PPP2R2A: variants seen among roughly 807,000 people sequenced by gnomAD.
The protein encoded by PPP2R2A is serine/threonine-protein phosphatase 2A 55 kDa regulatory subunit B alpha isoform.
In PPP2R2A, 9 loss-of-function variants were observed where a neutral mutation model predicts 53.2. The ratio of observed to expected loss-of-function variants is 0.17; its 90% CI spans 0.10 to 0.30. PPP2R2A has a LOEUF of 0.30. PPP2R2A is among the 10% of genes least tolerant of loss of function. The pLI is 1.00. For missense variants in PPP2R2A, 235 were observed against 534.6 expected (o/e 0.44, Z 5.53); for synonymous variants, 169 against 174.2 (o/e 0.97, Z 0.23).
intron 2 of PPP2R2A, among the ~76,000 whole-genome samples, chr8:26,304,993 ACT>A (rs1563284822): frequency 6.6e-6 from 1 of 152,152 alleles, no homozygotes; most frequent in Non-Finnish European, 1.5e-5. Flanking sequence ...AGTAGTGTTA[ACT>A]CTATTCATAT....
intron 2 of PPP2R2A, among the ~76,000 whole-genome samples, chr8:26,299,351 T>C (rs1801681293): frequency 6.6e-6 from 1 of 152,184 alleles, no homozygotes; most frequent in African/African-American, 2.4e-5. Flanking sequence ...TCTTAAAATA[T>C]CAGATGTTAT....
In PPP2R2A at chr8:26,351,635, G is replaced by A. The variant is rs184140037; in HGVS notation, c.181-2833G>A. On this transcript the variant is annotated intron_variant, in intron 3 of 9. Coordinates refer to ENST00000380737, the MANE Select transcript of PPP2R2A (RefSeq NM_002717.4). ...TTACGAGTGGTTTTGGGAAGGGGTC[G>A]AGCTTCATTTTATTTCCTATGAATA... Among the ~76,000 whole-genome samples the A allele has an allele frequency of 1.2e-3, 186 of 152,212 alleles. 2 individuals carry two copies. Among genetic ancestry groups the A allele is most frequent in the African/African-American group, 4.1e-3 (170 of 41,542 alleles).
chr8:26,367,741 T>C (rs770971199), intron 9 of PPP2R2A, among the ~76,000 whole-genome samples: 2 of 152,212 alleles, frequency 1.3e-5, no homozygotes, highest in Non-Finnish European at 2.9e-5. Context: ...CTTTCCAACA[T>C]AGTGACAGTG....
Position 26,325,588 on chromosome 8 carries a change from T to C in PPP2R2A, c.83-13302T>C, listed in dbSNP as rs746058160. 1.1e-3 allele frequency among the ~76,000 whole-genome samples: 173 copies of C among 152,362 alleles called. 1 individual carries two copies. The highest frequency in any genetic ancestry group is 3.8e-3 in the Admixed American group (58 of 15,302). On this transcript the variant is annotated intron_variant, in intron 2 of 9. Transcript: ENST00000380737. ...ATTAATGATATTAGGTGCATTCAGCTGCATAAGTACCTGAACATTATTCTT... is the reference window on the plus strand; with the variant it reads ...ATTAATGATATTAGGTGCATTCAGCCGCATAAGTACCTGAACATTATTCTT...
intron 3 of PPP2R2A, among the ~76,000 whole-genome samples, chr8:26,342,892 T>A (rs1804013853): frequency 6.6e-6 from 1 of 152,200 alleles, no homozygotes; most frequent in Non-Finnish European, 1.5e-5. Flanking sequence ...TTGCATGTAT[T>A]TAAAATGCAG....
At chr8:26,327,432 GT>G (rs1803148180) in intron 2 of PPP2R2A, among the ~76,000 whole-genome samples, 3 of 152,194 alleles carry the variant, frequency 2.0e-5, no homozygotes, top group Admixed American at 6.5e-5. Flanking sequence ...GAACAGATGA[GT>G]AGGTCAAGCT....
chr8:26,305,267 C>T (rs1201557314), intron 2 of PPP2R2A, among the ~76,000 whole-genome samples: 2 of 152,194 alleles, frequency 1.3e-5, no homozygotes, highest in Non-Finnish European at 2.9e-5. Flanking sequence ...GAATAATAGA[C>T]CATTGTGTGT....
chr8:26,359,897 TTTAA>T (rs1290184157), intron 4 of PPP2R2A, among the ~76,000 whole-genome samples: 2 of 152,216 alleles, frequency 1.3e-5, no homozygotes, highest in East Asian at 3.8e-4. Context: ...TCCCTCTAGC[TTTAA>T]TTACTTTTAA....
At position 26,370,006 on chromosome 8, in the gene PPP2R2A, A is replaced by G. The variant is rs1207934446; in HGVS notation, c.1065-128A>G. 4.5e-6 allele frequency: 4 copies of G among 894,586 alleles called. No homozygotes were observed. Among genetic ancestry groups the G allele is most frequent in the South Asian group, 3.5e-5 (2 of 57,724 alleles). 55.4% of individuals were successfully genotyped at this position (894,586 alleles called of 1,614,324 possible). A position where few individuals can be genotyped will look rare whatever the true frequency, so the allele number is the denominator to read the frequency against. On this transcript the variant is annotated intron_variant, in intron 9 of 9. Transcript: ENST00000380737. This position sits in a 1 kb window ranked among gnomAD's most constrained non-coding sequence, Gnocchi z 6.1. ...TATTCTAGTGATTGAGTTGATGTCA[A>G]CAGCCCCTGTCCCTTAGTTTAAATC...
chr8:26,370,269 T>C lies in PPP2R2A; in HGVS notation c.1200T>C (p.Ser400=). 6.2e-7 allele frequency: 1 copy of C among 1,614,124 alleles called. No individual in the cohort carries two copies. The highest frequency in any genetic ancestry group is 8.5e-7 in the Non-Finnish European group (1 of 1,179,994). The stretch of plus-strand genomic sequence containing the variant: ...TGAAGCCTCGCAAAGTCTGTGCAAG[T>C]GGCAAGCGAAAGAAAGATGAAATAA... The part of the protein sequence containing the change: ...TVLKPRKVCA[S]GKRKKDEISV... Residue 400 remains serine, a synonymous_variant, in exon 10 of 10, where the codon AGT becomes AGC. Coordinates refer to ENST00000380737, the MANE Select transcript of PPP2R2A (RefSeq NM_002717.4). This position sits in a 1 kb window ranked among gnomAD's most constrained non-coding sequence, Gnocchi z 6.1.
chr8:26,333,192 G>A (rs1049761658), intron 2 of PPP2R2A, among the ~76,000 whole-genome samples: 1 of 152,170 alleles, frequency 6.6e-6, no homozygotes, highest in South Asian at 2.1e-4. Context: ...TTTCTGTAAA[G>A]GGCCAGATAG....
intron 3 of PPP2R2A, among the ~76,000 whole-genome samples, chr8:26,344,513 G>A (rs1218891726): frequency 2.6e-5 from 4 of 152,150 alleles, no homozygotes; most frequent in Non-Finnish European, 4.4e-5. Flanking sequence ...TTTAATATGA[G>A]CTATTGAGTG....
At chr8:26,348,323 G>A (rs1804325739) in intron 3 of PPP2R2A, among the ~76,000 whole-genome samples, 1 of 152,182 alleles carries the variant, frequency 6.6e-6, no homozygotes, top group Non-Finnish European at 1.5e-5. Context: ...AGTACAGGTT[G>A]AGCATTCCTA....
intron 2 of PPP2R2A, among the ~76,000 whole-genome samples, chr8:26,310,691 T>C (rs1027137825): frequency 6.6e-6 from 1 of 150,870 alleles, no homozygotes; most frequent in South Asian, 2.1e-4. Context: ...TAATGGCTTA[T>C]GGTATTTATT....
At chr8:26,333,737 A>G (rs1208126440) in intron 2 of PPP2R2A, among the ~76,000 whole-genome samples, 1 of 152,124 alleles carries the variant, frequency 6.6e-6, no homozygotes, top group East Asian at 1.9e-4. Flanking sequence ...TGTTTCTTAT[A>G]ATACATAAGA....
chr8:26,330,014 G>C (rs757109195), intron 2 of PPP2R2A, among the ~76,000 whole-genome samples: 6 of 152,100 alleles, frequency 3.9e-5, no homozygotes, highest in Non-Finnish European at 5.9e-5. Context: ...TAGTCATCAT[G>C]TTTTCAAATA....
At chr8:26,323,268 A>C (rs1802932640) in intron 2 of PPP2R2A, among the ~76,000 whole-genome samples, 1 of 152,208 alleles carries the variant, frequency 6.6e-6, no homozygotes, top group South Asian at 2.1e-4. Flanking sequence ...GAAAACACAC[A>C]CACAGTTTCT....
At chr8:26,313,555 C>T (rs1802393234) in intron 2 of PPP2R2A, among the ~76,000 whole-genome samples, 1 of 152,194 alleles carries the variant, frequency 6.6e-6, no homozygotes, top group Non-Finnish European at 1.5e-5. Context: ...TCTCTGGAAC[C>T]TGTGACTGTT....
chr8:26,298,975 G>C (rs944269309), intron 2 of PPP2R2A, among the ~76,000 whole-genome samples: 30 of 152,228 alleles, frequency 2.0e-4, no homozygotes, highest in African/African-American at 7.0e-4. Flanking sequence ...TGTAATAATT[G>C]GTCAAAATAA....
Sources: allele counts gnomAD v4.1 joint callset (sites outside exome capture counted in the v4.1 genomes callset), GRCh38; gene constraint gnomAD v4.1.1; non-coding constraint Gnocchi (gnomAD v3.1); transcripts MANE v1.5; gene names NCBI Gene and HGNC (gene_info 2026-07-23, HGNC 2026-07-21).